Variants in BAZ1B observed in about 807,000 individuals in gnomAD.
BAZ1B encodes the protein bromodomain adjacent to zinc finger domain 1B.
BAZ1B carries 22 observed loss-of-function variants against 153.8 expected under a neutral mutation model. The observed-to-expected ratio is 0.14, with a 90% CI of 0.10 to 0.20. BAZ1B has a LOEUF of 0.20. BAZ1B is among the 10% of genes least tolerant of loss of function. BAZ1B has a pLI of 1.00. For synonymous variants in BAZ1B, 676 were observed against 633.4 expected, an observed-to-expected ratio of 1.07 and a Z score of -1.01; for missense variants, 1,325 against 1,799.3, an observed-to-expected ratio of 0.74 and a Z score of 4.77.
intron 13 of BAZ1B, 61 bp from the exon 14 acceptor site, chr7:73,451,055 T>C: frequency 6.3e-7 from 1 of 1,583,584 alleles, no homozygotes; most frequent in South Asian, 1.1e-5. Context: ...GAGAGAGAAC[T>C]AGGAACAGGG....
At chr7:73,509,643 C>A (rs1163075168) in intron 2 of BAZ1B, among the ~76,000 whole-genome samples, 1 of 150,988 alleles carries the variant, frequency 6.6e-6, no homozygotes, top group Non-Finnish European at 1.5e-5. Flanking sequence ...CTGGCTTGAT[C>A]CCAGGAGCTA....
At chr7:73,463,232 CTTTTT>C (rs1213839525) in intron 11 of BAZ1B, 133 bp from the exon 12 acceptor site, 10 of 638,518 alleles carry the variant, frequency 1.6e-5, no homozygotes, top group Admixed American at 7.4e-5. Flanking sequence ...GGTGTTTTTT[CTTTTT>C]TCTTTTTTTT....
chr7:73,450,449 T>G lies in BAZ1B; in HGVS notation c.3580+398A>C, dbSNP rs1787993530. On this transcript the variant is annotated intron_variant, in intron 14 of 19. Coordinates refer to ENST00000339594, the MANE Select transcript of BAZ1B (RefSeq NM_032408.4). The surrounding 1 kb of genome is among the most constrained non-coding windows in gnomAD (Gnocchi z 4.1). ...AACCATGAAGTTCCTTTTGCACATA[T>G]GAGACTGCATGCCACCCTCTGTACC... Among the ~76,000 whole-genome samples, 1 of 152,220 alleles carries G rather than the reference T, an allele frequency of 6.6e-6. No individual in the cohort carries two copies. Among genetic ancestry groups the G allele is most frequent in the African/African-American group, 2.4e-5 (1 of 41,446 alleles).
intron 13 of BAZ1B, among the ~76,000 whole-genome samples, chr7:73,453,890 G>C (rs1788102154): frequency 6.6e-6 from 1 of 152,070 alleles, no homozygotes; most frequent in Admixed American, 6.6e-5. Context: ...GAAGTAGAAG[G>C]ACACCTGAGC....
intron 4 of BAZ1B, 151 bp from the exon 5 acceptor site, chr7:73,493,072 C>T (rs1789716890): frequency 1.3e-6 from 1 of 756,720 alleles, no homozygotes; most frequent in South Asian, 2.3e-5. Context: ...CTTCAAGGAG[C>T]TAAAGTCTAT....
intron 4 of BAZ1B, among the ~76,000 whole-genome samples, chr7:73,494,296 T>C (rs531594810): frequency 3.3e-5 from 5 of 152,148 alleles, no homozygotes; most frequent in South Asian, 2.1e-4. Flanking sequence ...GGCAGAAGAA[T>C]TGCTTGAACC....
intron 6 of BAZ1B, among the ~76,000 whole-genome samples, chr7:73,481,966 G>A (rs769800019): frequency 7.2e-5 from 11 of 152,138 alleles, no homozygotes; most frequent in Non-Finnish European, 1.0e-4. Flanking sequence ...GTGAACCCGG[G>A]AGGCGGAGCT....
chr7:73,503,133 A>G (rs1554577349), intron 3 of BAZ1B, among the ~76,000 whole-genome samples: 1 of 152,176 alleles, frequency 6.6e-6, no homozygotes. Context: ...CCTTAGTCAA[A>G]GGGTATGTAT....
At position 73,477,124 on chromosome 7, in the gene BAZ1B, T is replaced by C; in HGVS notation, c.2337A>G (p.Glu779=). 2 of 1,614,230 alleles carry C rather than the reference T, an allele frequency of 1.2e-6. No homozygotes were observed. The highest frequency in any genetic ancestry group is 1.7e-6 in the Non-Finnish European group (2 of 1,180,046). ...RQQMSAELWK[E]RLAVLKEEND... is the part of the protein sequence containing the mutation. ...TTTCTTCCTTCAACACAGCAAGCCG[T>C]TCCTTCCACAACTCTGCAGACATCT... The change falls in exon 7 of 20, where the codon GAA becomes GAG. Residue 779 remains glutamate (E), a synonymous_variant. Transcript: ENST00000339594. The surrounding 1 kb of genome is among the most constrained non-coding windows in gnomAD (Gnocchi z 5.6).
intron 1 of BAZ1B, among the ~76,000 whole-genome samples, chr7:73,518,745 A>C (rs762725653): frequency 2.0e-5 from 3 of 152,180 alleles, no homozygotes; most frequent in Non-Finnish European, 4.4e-5. Context: ...CTCTAGTCAC[A>C]CTTGTGTAGA....
intron 12 of BAZ1B, among the ~76,000 whole-genome samples, chr7:73,462,063 C>T (rs1280651710): frequency 3.9e-5 from 6 of 152,130 alleles, no homozygotes; most frequent in Non-Finnish European, 8.8e-5. Flanking sequence ...CAACATGCCC[C>T]GTCTCTACAA....
At chr7:73,462,546 T>A (rs963846415) in intron 12 of BAZ1B, 4 of 257,548 alleles carry the variant, frequency 1.6e-5, no homozygotes, top group Admixed American at 5.2e-5. Flanking sequence ...CTGAGCTGAC[T>A]GAGTGTGAAG....
chr7:73,458,503 C>A (rs1334900680), intron 13 of BAZ1B, among the ~76,000 whole-genome samples: 1 of 151,702 alleles, frequency 6.6e-6, no homozygotes, highest in Non-Finnish European at 1.5e-5. Context: ...TGGTGAAACC[C>A]CGTCTCTACA....
chr7:73,499,407 T>C (rs1268678146), intron 3 of BAZ1B, among the ~76,000 whole-genome samples: 1 of 152,192 alleles, frequency 6.6e-6, no homozygotes, highest in Non-Finnish European at 1.5e-5. Flanking sequence ...CACCTTTCTC[T>C]ACTTAATTAC....
chr7:73,510,909 C>A, intron 1 of BAZ1B, 57 bp from the exon 2 acceptor site: 1 of 1,387,860 alleles, frequency 7.2e-7, no homozygotes, highest in Non-Finnish European at 1.0e-6. Context: ...CAAACCCATA[C>A]CCATAAGATA....
intron 13 of BAZ1B, among the ~76,000 whole-genome samples, chr7:73,458,042 C>T (rs1234867070): frequency 6.6e-6 from 1 of 152,162 alleles, no homozygotes. Flanking sequence ...GGCATTCTAG[C>T]AAATTATCAT....
intron 12 of BAZ1B, chr7:73,462,396 C>G (rs1044219766): frequency 1.9e-5 from 3 of 158,354 alleles, no homozygotes; most frequent in Admixed American, 5.9e-5. Flanking sequence ...TCTTTGATAC[C>G]TAAACCTACC....
chr7:73,493,063 T>C, intron 4 of BAZ1B, 142 bp from the exon 5 acceptor site: 1 of 823,522 alleles, frequency 1.2e-6, no homozygotes, highest in African/African-American at 1.7e-5. Context: ...TGTCCTTAAC[T>C]TCAAGGAGCT....
rs1791084831 is a variant in BAZ1B, at chr7:73,522,094, C to T, written c.-161G>A. 2 of 446,346 alleles carry T rather than the reference C, an allele frequency of 4.5e-6. No individual in the cohort carries two copies. Among genetic ancestry groups the T allele is most frequent in the Non-Finnish European group, 7.4e-6 (2 of 270,602 alleles). The allele number at this position is 446,346 out of a possible 1,614,324, so 27.6% of individuals were successfully genotyped here. On this transcript the variant is annotated 5_prime_UTR_variant, in exon 1 of 20. Transcript: ENST00000339594. Reference sequence around the variant, plus strand: ...TCCGGCTCCCTCACCGCCGGCGCGGCCGCGCGACAGTCATGGAGCGGAACG... The same window carrying T: ...TCCGGCTCCCTCACCGCCGGCGCGGTCGCGCGACAGTCATGGAGCGGAACG...
Sources: gnomAD v4.1 joint callset for allele counts (sites outside exome capture counted in the v4.1 genomes callset) on GRCh38, gnomAD v4.1.1 for gene constraint, Gnocchi (gnomAD v3.1) non-coding constraint, MANE v1.5 for transcripts, NCBI Gene and HGNC (gene_info 2026-07-23, HGNC 2026-07-21) for gene names.